Variants in GRK2 observed in about 807,000 individuals in gnomAD.
The protein encoded by GRK2 is adrenergic beta receptor kinase 1.
In GRK2, 23 loss-of-function variants were observed where a neutral mutation model predicts 97.8. The ratio of observed to expected loss-of-function variants is 0.24; its 90% CI spans 0.17 to 0.33. The LOEUF is 0.33. Ranked by LOEUF, GRK2 falls within the 10% of genes least tolerant of loss-of-function variation. The pLI is 1.00. For missense variants in GRK2, 633 were observed against 956.9 expected, an observed-to-expected ratio of 0.66 and a Z score of 4.47; for synonymous variants, 425 against 381.7, an observed-to-expected ratio of 1.11 and a Z score of -1.32.
chr11:67,281,341 G>C lies in GRK2; in HGVS notation c.648-118G>C. On this transcript the variant is annotated intron_variant, in intron 8 of 20. Coordinates refer to ENST00000308595, the MANE Select transcript of GRK2 (RefSeq NM_001619.5). This position sits in a 1 kb window ranked among gnomAD's most constrained non-coding sequence, Gnocchi z 5.7. The stretch of plus-strand genomic sequence containing the variant: ...GGCTCCTCTGGCCCCAGCCCTCCCT[G>C]TCTCTGATTTGTGTCACACGCTGGT... 1 of 1,138,028 alleles carries C rather than the reference G, an allele frequency of 8.8e-7. No homozygotes were observed. Among genetic ancestry groups the C allele is most frequent in the African/African-American group, 1.5e-5 (1 of 65,270 alleles). 70.5% of individuals were successfully genotyped at this position (1,138,028 alleles called of 1,614,324 possible).
rs1032768019 is a variant in GRK2 at position 67,269,177 on chromosome 11, GCCGCCCC to G, written c.113+2378_113+2384del. ...TTGCACACCCAGTGGGGCAGAGCAC[GCCGCCCC>G]CCGCCCCCCGCCGCCCCAGTGGTGA... is the stretch of plus-strand genomic sequence containing the variant. On this transcript the variant is annotated intron_variant, in intron 1 of 20. Coordinates refer to ENST00000308595, the MANE Select transcript of GRK2 (RefSeq NM_001619.5). The surrounding 1 kb of genome is among the most constrained non-coding windows in gnomAD (Gnocchi z 4.1). Among the ~76,000 whole-genome samples, 13 of 152,296 alleles carry G rather than the reference GCCGCCCC, an allele frequency of 8.5e-5. No homozygotes were observed. The highest frequency in any genetic ancestry group is 1.5e-4 in the Non-Finnish European group (10 of 68,014).
At chr11:67,267,717 T>C (rs1416289251) in intron 1 of GRK2, among the ~76,000 whole-genome samples, 1 of 152,256 alleles carries the variant, frequency 6.6e-6, no homozygotes, top group African/African-American at 2.4e-5. Context: ...GGACGATTGC[T>C]GCGGTTTGTC....
intron 2 of GRK2, among the ~76,000 whole-genome samples, chr11:67,277,761 A>G (rs995060502): frequency 1.3e-5 from 2 of 152,236 alleles, no homozygotes; most frequent in African/African-American, 2.4e-5. Context: ...TTTGTAAGCA[A>G]CCTGCCTGGT....
In GRK2 at chr11:67,281,976, G is replaced by T. The variant is rs1860162507; in HGVS notation, c.957+24G>T. ...AGGTGAGCGCCCCTGCTGTCCCCAG[G>T]CTGGACCTCCGTGGCTGTCCTCTCC... On this transcript the variant is annotated intron_variant, in intron 11 of 20. Coordinates refer to ENST00000308595, the MANE Select transcript of GRK2 (RefSeq NM_001619.5). The surrounding 1 kb of genome is among the most constrained non-coding windows in gnomAD (Gnocchi z 5.7). 2 of 1,612,678 alleles carry T rather than the reference G, an allele frequency of 1.2e-6. No individual in the cohort carries two copies. Among genetic ancestry groups the T allele is most frequent in the African/African-American group, 2.7e-5 (2 of 74,902 alleles).
At position 67,281,865 on chromosome 11, in the gene GRK2, A is replaced by G; in HGVS notation, c.870A>G (p.Ser290=). 6.2e-7 allele frequency: 1 copy of G among 1,613,634 alleles called. No homozygotes were observed. The highest frequency in any genetic ancestry group is 8.5e-7 in the Non-Finnish European group (1 of 1,179,964). The change falls in exon 11 of 21, where the codon TCA becomes TCG. Residue 290 remains serine (S), a synonymous_variant. Transcript: ENST00000308595. This position sits in a 1 kb window ranked among gnomAD's most constrained non-coding sequence, Gnocchi z 5.7. ...HYHLSQHGVF[S]EADMRFYAAE... The stretch of plus-strand genomic sequence containing the variant: ...ACCTCTCCCAGCACGGGGTCTTCTC[A>G]GAGGCTGACATGCGCTTCTATGCGG...
chr11:67,277,276 C>T lies in GRK2; in HGVS notation c.118C>T (p.Arg40Cys), dbSNP rs780233870. The change falls in exon 2 of 21, where the codon CGC (arginine) becomes TGC (cysteine). Residue 40 changes from arginine to cysteine, a missense_variant. Around this residue, in one of 4 missense-constraint regions of GRK2, gnomAD observed 193 missense variants for 212.2 expected, o/e 0.91. Transcript: ENST00000308595. ...CTGCGCCCCCCTGACCCACAGCATC[C>T]GCAGTGTCATGCAGAAGTACCTGGA... is the stretch of plus-strand genomic sequence containing the variant. ...KKILLPEPSI[R>C]SVMQKYLEDR... is the part of the protein sequence containing the mutation. The T allele has an allele frequency of 8.7e-6, 14 of 1,613,474 alleles. No individual in the cohort carries two copies. The highest frequency in any genetic ancestry group is 4.0e-5 in the African/African-American group (3 of 74,926).
chr11:67,279,860 C>G lies in GRK2; in HGVS notation c.463C>G (p.Gln155Glu), dbSNP rs1454784072. ...LFQPYIEEIC[Q>E]NLRGDVFQKF... The stretch of plus-strand genomic sequence containing the variant: ...TTAGCCATACATCGAAGAGATTTGT[C>G]AAAACCTCCGAGGGGACGTGTTCCA... The change falls in exon 6 of 21, where the codon CAA becomes GAA. Residue 155 changes from glutamine (Q) to glutamate (E), a missense_variant. By Grantham distance (29) the Gln-to-Glu change is conservative. This residue lies in a region of GRK2 where 193 missense variants were observed against 212.2 expected (regional missense o/e 0.91). Transcript: ENST00000308595. The G allele has an allele frequency of 1.9e-6, 3 of 1,613,872 alleles. No individual in the cohort carries two copies. The highest frequency in any genetic ancestry group is 2.5e-6 in the Non-Finnish European group (3 of 1,180,018).
Position 67,276,682 on chromosome 11 carries a change from C to T in GRK2, c.114-590C>T, listed in dbSNP as rs914833693. 2 of 152,194 alleles carry T rather than the reference C, an allele frequency of 1.3e-5. No individual in the cohort carries two copies. Among genetic ancestry groups the T allele is most frequent in the Non-Finnish European group, 2.9e-5 (2 of 68,044 alleles). 9.4% of individuals were successfully genotyped at this position (152,194 alleles called of 1,614,324 possible). A position where few individuals can be genotyped will look rare whatever the true frequency, so the allele number is the denominator to read the frequency against. On this transcript the variant is annotated intron_variant, in intron 1 of 20. Coordinates refer to ENST00000308595, the MANE Select transcript of GRK2 (RefSeq NM_001619.5). The surrounding 1 kb of genome is among the most constrained non-coding windows in gnomAD (Gnocchi z 4.2). Reference sequence around the variant, plus strand: ...CAACCCTTACCCCAAAAAGAAACCCCGTCCCCACCGCAGTCACTCCTCTCC... The same window carrying T: ...CAACCCTTACCCCAAAAAGAAACCCTGTCCCCACCGCAGTCACTCCTCTCC...
chr11:67,282,538 C>T lies in GRK2; in HGVS notation c.1156C>T (p.Arg386Trp), dbSNP rs1275870858. 6 of 1,613,106 alleles carry T rather than the reference C, an allele frequency of 3.7e-6. No homozygotes were observed. Among genetic ancestry groups the T allele is most frequent in the African/African-American group, 2.7e-5 (2 of 74,918 alleles). Reference sequence around the variant, plus strand: ...GGGGTGCATGCTCTTCAAGTTGCTGCGGGGGTGAGTGGCCCATCCCAGGTG... The same window carrying T: ...GGGGTGCATGCTCTTCAAGTTGCTGTGGGGGTGAGTGGCCCATCCCAGGTG... ...SLGCMLFKLL[R>W]GHSPFRQHKT... Residue 386 changes from arginine to tryptophan, a missense_variant, in exon 13 of 21, where the codon CGG (arginine) becomes TGG (tryptophan). Physicochemically the swap from Arg to Trp is moderately radical, Grantham distance 101 (BLOSUM62 -3). Around this residue, in one of 4 missense-constraint regions of GRK2, gnomAD observed 192 missense variants for 362.3 expected, o/e 0.53. Coordinates refer to ENST00000308595, the MANE Select transcript of GRK2 (RefSeq NM_001619.5). This position sits in a 1 kb window ranked among gnomAD's most constrained non-coding sequence, Gnocchi z 6.9.
intron 18 of GRK2, 31 bp from the exon 19 acceptor site, chr11:67,284,816 C>T (rs1156945470): frequency 6.2e-7 from 1 of 1,605,982 alleles, no homozygotes; most frequent in East Asian, 2.2e-5. Context: ...CCAGGTGGGG[C>T]CGGCTGAGTC....
intron 1 of GRK2, among the ~76,000 whole-genome samples, chr11:67,268,130 T>G (rs1859835893): frequency 6.6e-6 from 1 of 152,232 alleles, no homozygotes; most frequent in Admixed American, 6.5e-5. Flanking sequence ...GGCCTCGGTC[T>G]TCTCATCTGT....
intron 2 of GRK2, among the ~76,000 whole-genome samples, chr11:67,278,091 T>G (rs979079362): frequency 3.9e-5 from 6 of 152,234 alleles, no homozygotes; most frequent in Non-Finnish European, 7.3e-5. Flanking sequence ...GATGGTGTCC[T>G]CATCTGGGAG....
At position 67,282,537 on chromosome 11, in the gene GRK2, G is replaced by T. The variant is rs1362446935; in HGVS notation, c.1155G>T (p.Leu385=). The T allele has an allele frequency of 2.5e-6, 4 of 1,613,480 alleles. No individual in the cohort carries two copies. The highest frequency in any genetic ancestry group is 2.2e-5 in the East Asian group (1 of 44,880). ...TGGGGTGCATGCTCTTCAAGTTGCT[G>T]CGGGGGTGAGTGGCCCATCCCAGGT... ...FSLGCMLFKL[L]RGHSPFRQHK... Residue 385 remains leucine, a synonymous_variant, in exon 13 of 21, where the codon CTG becomes CTT. Coordinates refer to ENST00000308595, the MANE Select transcript of GRK2 (RefSeq NM_001619.5). The surrounding 1 kb of genome is among the most constrained non-coding windows in gnomAD (Gnocchi z 6.9).
Position 67,276,750 on chromosome 11 carries a change from C to T in GRK2, c.114-522C>T, listed in dbSNP as rs371031731. 6.6e-6 allele frequency: 1 copy of T among 152,478 alleles called. No individual in the cohort carries two copies. Among genetic ancestry groups the T allele is most frequent in the Non-Finnish European group, 1.5e-5 (1 of 68,152 alleles). 9.4% of individuals were successfully genotyped at this position (152,478 alleles called of 1,614,324 possible). On this transcript the variant is annotated intron_variant, in intron 1 of 20. Transcript: ENST00000308595. This position sits in a 1 kb window ranked among gnomAD's most constrained non-coding sequence, Gnocchi z 4.2. ...CAGCCACGGATCTGCGTTCTGTGTC[C>T]GTGGATCTGTTCATATGAGTGGAAT... is the stretch of plus-strand genomic sequence containing the variant.
Position 67,283,848 on chromosome 11 carries a change from CT to C in GRK2, c.1396-5del. ...GCTAATGCCCATGACCCCTGTTCTG[CT>C]GCAGTACCCTCCCCCGCTGATCCCC... On this transcript the variant is annotated splice_region_variant and splice_polypyrimidine_tract_variant and intron_variant, in intron 16 of 20. Transcript: ENST00000308595. 6.2e-7 allele frequency: 1 copy of C among 1,612,818 alleles called. No homozygotes were observed. Among genetic ancestry groups the C allele is most frequent in the South Asian group, 1.1e-5 (1 of 91,064 alleles).
Position 67,286,522 on chromosome 11 carries a change from T to C in GRK2, c.*1072T>C, listed in dbSNP as rs939472681. The C allele has an allele frequency of 2.1e-5, 15 of 701,366 alleles. No individual in the cohort carries two copies. Among genetic ancestry groups the C allele is most frequent in the African/African-American group, 3.5e-5 (2 of 57,198 alleles). 43.4% of individuals were successfully genotyped at this position (701,366 alleles called of 1,614,324 possible). A position where few individuals can be genotyped will look rare whatever the true frequency, so the allele number is the denominator to read the frequency against. The stretch of plus-strand genomic sequence containing the variant: ...GAATGTGATTTTAAAGAGTGAAAAA[T>C]GAGACTATGCGTTTTTATAAAAAAT... On this transcript the variant is annotated 3_prime_UTR_variant, in exon 21 of 21. Coordinates refer to ENST00000308595, the MANE Select transcript of GRK2 (RefSeq NM_001619.5).
At chr11:67,275,435 C>T (rs1247932351) in intron 1 of GRK2, among the ~76,000 whole-genome samples, 1 of 152,202 alleles carries the variant, frequency 6.6e-6, no homozygotes, top group East Asian at 1.9e-4. Flanking sequence ...CCTCATAACC[C>T]TTCTCCCGGT....
Position 67,282,145 on chromosome 11 carries a change from C to T in GRK2, c.958-126C>T, listed in dbSNP as rs1860165968. 1 of 1,205,816 alleles carries T rather than the reference C, an allele frequency of 8.3e-7. No homozygotes were observed. The highest frequency in any genetic ancestry group is 2.3e-5 in the East Asian group (1 of 42,650). The allele number at this position is 1,205,816 out of a possible 1,614,324, so 74.7% of individuals were successfully genotyped here. A position where few individuals can be genotyped will look rare whatever the true frequency, so the allele number is the denominator to read the frequency against. On this transcript the variant is annotated intron_variant, in intron 11 of 20. Transcript: ENST00000308595. This position sits in a 1 kb window ranked among gnomAD's most constrained non-coding sequence, Gnocchi z 6.9. ...TGTAGCTGGGGACAGGAGAGAGGAC[C>T]CCCACCTTTGCCCTTTCTTTGGGTA...
chr11:67,280,900 C>G (rs1334040874), intron 7 of GRK2, 117 bp downstream of exon 7: 1 of 1,319,548 alleles, frequency 7.6e-7, no homozygotes, highest in Non-Finnish European at 1.1e-6. Flanking sequence ...CTTTAGCCCC[C>G]AGGGCCGTGG....
Sources: allele counts gnomAD v4.1 joint callset (sites outside exome capture counted in the v4.1 genomes callset), GRCh38; gene constraint gnomAD v4.1.1; regional missense constraint gnomAD v4.1.1; non-coding constraint Gnocchi (gnomAD v3.1); transcripts MANE v1.5; gene names NCBI Gene and HGNC (gene_info 2026-07-23, HGNC 2026-07-21).